GPC3: variants seen among roughly 807,000 people sequenced by gnomAD.
GPC3 encodes the protein glypican-3.
A neutral mutation model predicts 34.4 loss-of-function variants in GPC3; 3 were observed. The ratio of observed to expected loss-of-function variants is 0.09; its 90% CI spans 0.04 to 0.23. GPC3 has a LOEUF of 0.23. Among genes scored for constraint, GPC3 ranks in the 10% least tolerant of loss-of-function variants. The probability of loss-of-function intolerance (pLI) is 1.00; values close to 1 mark genes in which losing one functional copy is unlikely to be tolerated. For synonymous variants in GPC3, 177 were observed against 174.0 expected, an observed-to-expected ratio of 1.02 and a Z score of -0.13; for missense variants, 351 against 445.6, an observed-to-expected ratio of 0.79 and a Z score of 1.91.
intron 6 of GPC3, among the ~76,000 whole-genome samples, chrX:133,650,205 A>G (rs1295275876): frequency 2.7e-5 from 3 of 111,720 alleles, no homozygotes; most frequent in Non-Finnish European, 5.6e-5. Context: ...TCAACCAGAG[A>G]GCAAAATGCA....
chrX:133,796,090 C>CG (rs1337105158), intron 2 of GPC3, among the ~76,000 whole-genome samples: 4 of 108,732 alleles, frequency 3.7e-5, no homozygotes, highest in East Asian at 2.9e-4. Flanking sequence ...GGACTACAGG[C>CG]CCCGCCACCA....
chrX:133,902,493 C>T (rs776796711), intron 2 of GPC3, among the ~76,000 whole-genome samples: 23 of 111,544 alleles, frequency 2.1e-4, no homozygotes, highest in Non-Finnish European at 2.8e-4. Context: ...GAGGCCAAGG[C>T]GAGGGAATCA....
At chrX:133,537,676 C>T (rs1192119365) in intron 7 of GPC3, among the ~76,000 whole-genome samples, 2 of 111,700 alleles carry the variant, frequency 1.8e-5, no homozygotes, top group Non-Finnish European at 1.9e-5. Context: ...TTTTACGGCA[C>T]CTCCATTGAA....
chrX:133,646,914 AACTGATGTAATGAAG>A (rs1470553632), intron 6 of GPC3, among the ~76,000 whole-genome samples: 1 of 111,906 alleles, frequency 8.9e-6, no homozygotes, highest in African/African-American at 3.3e-5. Flanking sequence ...GGACCTTCTG[AACTGATGTAATGAAG>A]ACTTATGGGG....
intron 5 of GPC3, among the ~76,000 whole-genome samples, chrX:133,662,188 G>T (rs927941659): frequency 4.5e-5 from 5 of 111,485 alleles, no homozygotes; most frequent in African/African-American, 1.6e-4. Context: ...AGCTGTGCTA[G>T]GGGAGGTTCA....
intron 3 of GPC3, among the ~76,000 whole-genome samples, chrX:133,727,027 G>A (rs1482735058): frequency 4.5e-5 from 5 of 111,944 alleles, no homozygotes; most frequent in Non-Finnish European, 9.4e-5. Flanking sequence ...GGCAATAAGG[G>A]AAAGGCAATA....
chrX:133,841,892 C>T (rs1234917056), intron 2 of GPC3, among the ~76,000 whole-genome samples: 1 of 112,391 alleles, frequency 8.9e-6, no homozygotes, highest in African/African-American at 3.2e-5. Flanking sequence ...TCTTTCTCCC[C>T]TGCTGAATGC....
chrX:133,945,762 A>G (rs992065296), intron 2 of GPC3, among the ~76,000 whole-genome samples: 24 of 110,916 alleles, frequency 2.2e-4, no homozygotes, highest in Non-Finnish European at 4.3e-4. Flanking sequence ...TCAAAAAAAA[A>G]AAAAGAAAAG....
chrX:133,584,930 C>CAAAAAAAAAAAAAAAAAAA (rs68159308), intron 7 of GPC3, among the ~76,000 whole-genome samples: 8 of 68,272 alleles, frequency 1.2e-4, no homozygotes, highest in Admixed American at 1.7e-4. Flanking sequence ...TATAAAAAGC[C>CAAAAAAAAAAAAAAAAAAA]AAAAAAAAAA....
At chrX:133,881,339 G>C (rs562587089) in intron 2 of GPC3, among the ~76,000 whole-genome samples, 1 of 111,894 alleles carries the variant, frequency 8.9e-6, no homozygotes, top group South Asian at 3.8e-4. Context: ...TCCACCCTGC[G>C]TGCTCTAATT....
At chrX:133,836,874 G>A (rs759769818) in intron 2 of GPC3, among the ~76,000 whole-genome samples, 2 of 111,841 alleles carry the variant, frequency 1.8e-5, no homozygotes, top group Non-Finnish European at 3.8e-5. Context: ...TCTGTGTTGG[G>A]AGACAATTCC....
intron 6 of GPC3, among the ~76,000 whole-genome samples, chrX:133,649,017 C>A (rs1198551125): frequency 8.9e-6 from 1 of 112,005 alleles, no homozygotes; most frequent in Non-Finnish European, 1.9e-5. Flanking sequence ...GTTTTCATCA[C>A]CCTCATTGAA....
chrX:133,716,087 A>G (rs2071310818), intron 3 of GPC3, among the ~76,000 whole-genome samples: 1 of 112,460 alleles, frequency 8.9e-6, no homozygotes, highest in Admixed American at 9.4e-5. Flanking sequence ...ACGGCTACAC[A>G]TGACAAAGAA....
At chrX:133,730,940 TGAA>T (rs1290305250) in intron 3 of GPC3, among the ~76,000 whole-genome samples, 2 of 111,972 alleles carry the variant, frequency 1.8e-5, no homozygotes, top group African/African-American at 6.5e-5. Context: ...GTCTTCAAAA[TGAA>T]GAAACAAAAC....
chrX:133,927,224 T>A (rs755679576), intron 2 of GPC3, among the ~76,000 whole-genome samples: 1 of 111,301 alleles, frequency 9.0e-6, no homozygotes, highest in African/African-American at 3.3e-5. Context: ...GTTTTTTTTT[T>A]AAAGTACAAA....
chrX:133,718,886 T>A (rs1205788005), intron 3 of GPC3, among the ~76,000 whole-genome samples: 1 of 111,942 alleles, frequency 8.9e-6, no homozygotes, highest in Non-Finnish European at 1.9e-5. Flanking sequence ...AATGTGTCAA[T>A]CTATCAGGAA....
At chrX:133,593,353 G>GAAAAAAAAAAAAAA (rs1569391707) in intron 7 of GPC3, among the ~76,000 whole-genome samples, 1 of 58,158 alleles carries the variant, frequency 1.7e-5, no homozygotes, top group Non-Finnish European at 3.3e-5. Context: ...AAAAAAAAAA[G>GAAAAAAAAAAAAAA]TAAAAAAAAA....
chrX:133,739,420 G>T (rs1379891234), intron 3 of GPC3, among the ~76,000 whole-genome samples: 1 of 112,118 alleles, frequency 8.9e-6, no homozygotes, highest in Non-Finnish European at 1.9e-5. Context: ...CCACGTGGTA[G>T]GCATTGTTGC....
At chrX:133,711,005 C>G (rs1019288124) in intron 3 of GPC3, among the ~76,000 whole-genome samples, 1 of 111,552 alleles carries the variant, frequency 9.0e-6, no homozygotes, top group Non-Finnish European at 1.9e-5. Context: ...TCAAATACCA[C>G]TCCCCCAAAT....
Sources: gnomAD v4.1 joint callset for allele counts (sites outside exome capture counted in the v4.1 genomes callset) on GRCh38, gnomAD v4.1.1 for gene constraint, MANE v1.5 for transcripts, NCBI Gene and HGNC (gene_info 2026-07-23, HGNC 2026-07-21) for gene names.